Variants in KCNH1 observed in about 807,000 individuals in gnomAD.
KCNH1 encodes the protein potassium voltage-gated channel subfamily H member 1, also known as voltage-gated delayed rectifier potassium channel KCNH1.
A neutral mutation model predicts 69.2 loss-of-function variants in KCNH1; 27 were observed. That is an observed-to-expected ratio of 0.39 (90% CI 0.29 to 0.54). The LOEUF (loss-of-function observed/expected upper bound fraction) is 0.54, where lower values mean the gene tolerates loss of function less well. Ranked by LOEUF, KCNH1 falls within the 20% of genes least tolerant of loss-of-function variation. The pLI is 0.68. For synonymous variants in KCNH1, 456 were observed against 487.7 expected (o/e 0.93, Z 0.86); for missense variants, 798 against 1,261.6 (o/e 0.63, Z 5.57).
intron 10 of KCNH1, among the ~76,000 whole-genome samples, chr1:210,755,517 CAGA>C (rs762983869): frequency 6.8e-4 from 103 of 152,350 alleles, no homozygotes; most frequent in Non-Finnish European, 1.3e-3. Flanking sequence ...AGCCATGAGG[CAGA>C]AGGACTGGGA....
intron 5 of KCNH1, among the ~76,000 whole-genome samples, chr1:211,057,659 G>T (rs995603487): frequency 1.3e-5 from 2 of 150,144 alleles, no homozygotes; most frequent in Non-Finnish European, 3.0e-5. Context: ...GAAAAAGAAA[G>T]AAGAAAACAG....
At chr1:210,741,559 C>T (rs1230893149) in intron 10 of KCNH1, among the ~76,000 whole-genome samples, 1 of 152,180 alleles carries the variant, frequency 6.6e-6, no homozygotes, top group African/African-American at 2.4e-5. Flanking sequence ...TCTGGGGAAT[C>T]TTAACACCAA....
chr1:211,054,728 A>T (rs1690271753), intron 5 of KCNH1, among the ~76,000 whole-genome samples: 1 of 152,198 alleles, frequency 6.6e-6, no homozygotes, highest in African/African-American at 2.4e-5. Flanking sequence ...ATATGCTGTT[A>T]AAAATATACA....
chr1:210,931,611 T>TA (rs1687682114), intron 6 of KCNH1, among the ~76,000 whole-genome samples: 1 of 152,104 alleles, frequency 6.6e-6, no homozygotes, highest in African/African-American at 2.4e-5. Flanking sequence ...AAATCACCAC[T>TA]AAATAACTTC....
At chr1:210,798,274 C>T (rs1481762332) in intron 8 of KCNH1, among the ~76,000 whole-genome samples, 2 of 152,036 alleles carry the variant, frequency 1.3e-5, no homozygotes. Context: ...CTCCTGACCT[C>T]GTGATCCGCC....
chr1:211,085,708 TGA>T (rs1690940768), intron 4 of KCNH1, among the ~76,000 whole-genome samples: 1 of 152,152 alleles, frequency 6.6e-6, no homozygotes. Flanking sequence ...AGCTAATCAA[TGA>T]GATTAAAAAC....
intron 6 of KCNH1, among the ~76,000 whole-genome samples, chr1:210,995,430 C>A (rs1689011573): frequency 6.6e-6 from 1 of 152,086 alleles, no homozygotes; most frequent in Non-Finnish European, 1.5e-5. Flanking sequence ...AAAAATAAAC[C>A]CCTATCTCCA....
At chr1:210,900,911 C>T (rs1267589832) in intron 7 of KCNH1, among the ~76,000 whole-genome samples, 1 of 152,162 alleles carries the variant, frequency 6.6e-6, no homozygotes, top group Non-Finnish European at 1.5e-5. Flanking sequence ...ACACAGCTCA[C>T]ATTACCCTAG....
chr1:210,704,827 TCA>T (rs767309878), intron 10 of KCNH1, among the ~76,000 whole-genome samples: 60 of 152,220 alleles, frequency 3.9e-4, no homozygotes, highest in Non-Finnish European at 8.2e-4. Context: ...GCTCACTCTT[TCA>T]CACACATGGA....
At chr1:210,911,379 T>G (rs1687228135) in intron 7 of KCNH1, among the ~76,000 whole-genome samples, 1 of 152,134 alleles carries the variant, frequency 6.6e-6, no homozygotes, top group African/African-American at 2.4e-5. Flanking sequence ...ATATAGAAGG[T>G]CCTTTCCTTC....
At chr1:210,910,775 G>A (rs1240549795) in intron 7 of KCNH1, among the ~76,000 whole-genome samples, 3 of 152,198 alleles carry the variant, frequency 2.0e-5, no homozygotes, top group Non-Finnish European at 4.4e-5. Flanking sequence ...TGTATAATGT[G>A]CTCTGCACAC....
At chr1:210,716,271 A>AAAAT (rs113303873) in intron 10 of KCNH1, among the ~76,000 whole-genome samples, 96 of 152,064 alleles carry the variant, frequency 6.3e-4, no homozygotes, top group African/African-American at 2.2e-3. Context: ...ATCTCTACTA[A>AAAAT]AAATACAAAA....
At chr1:211,057,295 A>G (rs543235548) in intron 5 of KCNH1, among the ~76,000 whole-genome samples, 7 of 152,296 alleles carry the variant, frequency 4.6e-5, no homozygotes, top group South Asian at 2.1e-4. Context: ...AGAAACAGTG[A>G]GCTTGAAGAC....
intron 10 of KCNH1, among the ~76,000 whole-genome samples, chr1:210,753,354 C>A (rs1404870724): frequency 6.6e-6 from 1 of 152,112 alleles, no homozygotes; most frequent in Non-Finnish European, 1.5e-5. Flanking sequence ...AGGACACACA[C>A]AAATAATGGA....
intron 7 of KCNH1, among the ~76,000 whole-genome samples, chr1:210,873,295 T>C (rs761197427): frequency 1.3e-5 from 2 of 152,180 alleles, no homozygotes; most frequent in Non-Finnish European, 2.9e-5. Flanking sequence ...AGATTTGAAA[T>C]GTGCTTGAAT....
intron 5 of KCNH1, among the ~76,000 whole-genome samples, chr1:211,066,025 C>CTCTA (rs1432175603): frequency 1.3e-5 from 2 of 152,080 alleles, no homozygotes; most frequent in African/African-American, 4.8e-5. Flanking sequence ...CACCACTGAG[C>CTCTA]TCTAGCCTGG....
rs1335585491 is a variant in KCNH1 at position 211,039,601 on chromosome 1, G to A, written c.559-20345C>T. On this transcript the variant is annotated intron_variant, in intron 5 of 10. Coordinates refer to ENST00000271751, the MANE Select transcript of KCNH1 (RefSeq NM_172362.3). The stretch of plus-strand genomic sequence containing the variant: ...CGGAGCTGCCTAAGACCATGGGAAC[G>A]TAACTCTTGCATCAGCGTGACCTGG... 3.3e-5 allele frequency among the ~76,000 whole-genome samples: 5 copies of A among 152,178 alleles called. No individual in the cohort carries two copies. The East Asian group carries it at 7.7e-4, about 23-fold the overall frequency.
rs1685622595 is a variant in KCNH1 at position 210,848,982 on chromosome 1, C to T, written c.1463-44816G>A. ...GTACACAACTAATTACAATTCAAGG[C>T]AAAGTAAAATAACTTTAAGAGAAAA... On this transcript the variant is annotated intron_variant, in intron 7 of 10. Coordinates refer to ENST00000271751, the MANE Select transcript of KCNH1 (RefSeq NM_172362.3). Among the ~76,000 whole-genome samples the T allele has an allele frequency of 1.6e-4, 24 of 152,008 alleles. No individual in the cohort carries two copies. The South Asian group carries it at 4.4e-3, about 28-fold the overall frequency.
At chr1:210,894,275 G>A (rs888821141) in intron 7 of KCNH1, among the ~76,000 whole-genome samples, 3 of 152,146 alleles carry the variant, frequency 2.0e-5, no homozygotes, top group African/African-American at 7.2e-5. Context: ...GATTTGTTAA[G>A]TGGACCCAGA....
Sources: gnomAD v4.1 joint callset for allele counts (sites outside exome capture counted in the v4.1 genomes callset) on GRCh38, gnomAD v4.1.1 for gene constraint, MANE v1.5 for transcripts, NCBI Gene and HGNC (gene_info 2026-07-23, HGNC 2026-07-21) for gene names.